Variants in GPCPD1 observed in about 807,000 individuals in gnomAD.
The protein encoded by GPCPD1 is glycerophosphocholine phosphodiesterase 1.
Under a neutral mutation model 89.2 loss-of-function variants are expected in GPCPD1, and 29 were observed. The observed-to-expected ratio is 0.33, with a 90% confidence interval of 0.24 to 0.44. The LOEUF (loss-of-function observed/expected upper bound fraction) is 0.44, where lower values mean the gene tolerates loss of function less well. GPCPD1 is among the 20% of genes least tolerant of loss of function. The pLI is 1.00. For synonymous variants in GPCPD1, 258 were observed against 266.3 expected, an observed-to-expected ratio of 0.97 and a Z score of 0.30; for missense variants, 594 against 808.9, an observed-to-expected ratio of 0.73 and a Z score of 3.22.
chr20:5,568,848 G>T (rs1986547245), intron 12 of GPCPD1, among the ~76,000 whole-genome samples: 1 of 152,130 alleles, frequency 6.6e-6, no homozygotes, highest in South Asian at 2.1e-4. Context: ...AGGAGGTGGA[G>T]GTTGAGCCAA....
At chr20:5,570,343 G>C (rs1433241720) in intron 11 of GPCPD1, 104 bp from the exon 12 acceptor site, 1 of 276,644 alleles carries the variant, frequency 3.6e-6, no homozygotes, top group East Asian at 9.8e-5. Flanking sequence ...TTACAGACCT[G>C]TACAAACTTT....
At chr20:5,581,695 C>T (rs1381260178) in intron 6 of GPCPD1, among the ~76,000 whole-genome samples, 1 of 151,738 alleles carries the variant, frequency 6.6e-6, no homozygotes, top group Admixed American at 6.6e-5. Context: ...GAGAAGCTGT[C>T]AACTGTTTTG....
chr20:5,569,382 T>C (rs1360595755), intron 12 of GPCPD1, among the ~76,000 whole-genome samples: 1 of 152,142 alleles, frequency 6.6e-6, no homozygotes, highest in Non-Finnish European at 1.5e-5. Context: ...CCCCGAGAAA[T>C]CACTTGGTTA....
chr20:5,557,399 T>A (rs1985835859), intron 19 of GPCPD1, among the ~76,000 whole-genome samples: 1 of 152,164 alleles, frequency 6.6e-6, no homozygotes, highest in South Asian at 2.1e-4. Flanking sequence ...TGATTCAGGA[T>A]ATATTTTGAA....
intron 16 of GPCPD1, among the ~76,000 whole-genome samples, chr20:5,560,452 A>C (rs1222569591): frequency 1.3e-5 from 2 of 152,244 alleles, no homozygotes; most frequent in Admixed American, 6.5e-5. Context: ...AATTAATAAA[A>C]TGTCCCTACT....
At chr20:5,580,311 C>T (rs1447726185) in intron 6 of GPCPD1, among the ~76,000 whole-genome samples, 180 bp from the exon 7 acceptor site, 2 of 151,838 alleles carry the variant, frequency 1.3e-5, no homozygotes, top group Non-Finnish European at 1.5e-5. Flanking sequence ...CTGCCTAAAC[C>T]GTTGTTCATA....
rs538963809 is a variant in GPCPD1 at position 5,606,907 on chromosome 20, G to A, written c.-28-2467C>T. On this transcript the variant is annotated intron_variant, in intron 1 of 19. Coordinates refer to ENST00000379019, the MANE Select transcript of GPCPD1 (RefSeq NM_019593.5). ...TCTCACAGAGTGCAAGACCACCAAT[G>A]TGCAGTCATGTCACATTTGGATATG... Among the ~76,000 whole-genome samples the A allele has an allele frequency of 1.5e-4, 23 of 152,292 alleles. No homozygotes were observed. The East Asian group carries it at 4.2e-3, about 28-fold the overall frequency.
intron 17 of GPCPD1, 126 bp from the exon 18 acceptor site, chr20:5,558,945 G>GT: frequency 1.5e-6 from 1 of 668,974 alleles, no homozygotes. Context: ...GCTCACACCT[G>GT]TAATCCCAAC....
chr20:5,565,112 A>G, intron 14 of GPCPD1, 34 bp from the exon 15 acceptor site: 1 of 1,044,070 alleles, frequency 9.6e-7, no homozygotes, highest in African/African-American at 1.6e-5. Context: ...TCAGTAAATA[A>G]AATGCCACTA....
intron 6 of GPCPD1, among the ~76,000 whole-genome samples, chr20:5,581,709 C>G (rs917273395): frequency 2.7e-5 from 4 of 150,026 alleles, no homozygotes. Context: ...TGTTTTGGAT[C>G]TAAGCTTTTT....
intron 12 of GPCPD1, among the ~76,000 whole-genome samples, chr20:5,569,131 CTTCT>C (rs1438999755): frequency 1.3e-5 from 2 of 148,274 alleles, no homozygotes; most frequent in African/African-American, 2.5e-5. Flanking sequence ...TCCTTTCTTC[CTTCT>C]TTCTCCTAAT....
At position 5,574,041 on chromosome 20, in the gene GPCPD1, T is replaced by C. The variant is rs571531914; in HGVS notation, c.1002-72A>G. On this transcript the variant is annotated intron_variant, in intron 10 of 19. Coordinates refer to ENST00000379019, the MANE Select transcript of GPCPD1 (RefSeq NM_019593.5). Reference sequence around the variant, plus strand: ...AAACAAATGTAATAAAGAAGCAAAGTGTACTTTCAACAATGGGAAATGGTA... The same window carrying C: ...AAACAAATGTAATAAAGAAGCAAAGCGTACTTTCAACAATGGGAAATGGTA... 17 of 873,312 alleles carry C rather than the reference T, an allele frequency of 1.9e-5. No individual in the cohort carries two copies. The African/African-American group carries it at 2.7e-4, about 14-fold the overall frequency. 54.1% of individuals were successfully genotyped at this position (873,312 alleles called of 1,614,324 possible). A position where few individuals can be genotyped will look rare whatever the true frequency, so the allele number is the denominator to read the frequency against.
rs1985913685 is a variant in GPCPD1 at position 5,558,677 on chromosome 20, A to G, written c.1668+7T>C. 1 of 1,520,938 alleles carries G rather than the reference A, an allele frequency of 6.6e-7. No individual in the cohort carries two copies. Among genetic ancestry groups the G allele is most frequent in the Non-Finnish European group, 8.9e-7 (1 of 1,118,690 alleles). 94.2% of individuals were successfully genotyped at this position (1,520,938 alleles called of 1,614,324 possible). A position where few individuals can be genotyped will look rare whatever the true frequency, so the allele number is the denominator to read the frequency against. ...ATTAAAAAGATAAAAATTCAAACAT[A>G]ACTTACCAGTAGATTTTCAAACTGT... On this transcript the variant is annotated splice_region_variant and intron_variant, in intron 18 of 19. Transcript: ENST00000379019.
rs1179447177 is a variant in GPCPD1, at chr20:5,558,725, T to A, written c.1627A>T (p.Thr543Ser). The A allele has an allele frequency of 6.2e-7, 1 of 1,600,532 alleles. No homozygotes were observed. The highest frequency in any genetic ancestry group is 1.3e-5 in the African/African-American group (1 of 74,150). Residue 543 changes from threonine (T) to serine (S), a missense_variant, in exon 18 of 20, where the codon ACC (threonine) becomes TCC (serine). Transcript: ENST00000379019. ...TGTGCAAAGCTCATTGCAATGGGGG[T>A]TGTCCGAGATCTGAGGTCCATGAGT... ...PELMDLRSRT[T>S]PIAMSFAQFE... is the part of the protein sequence containing the mutation.
chr20:5,557,368 C>G (rs1418860541), intron 19 of GPCPD1, among the ~76,000 whole-genome samples: 4 of 152,206 alleles, frequency 2.6e-5, no homozygotes, highest in African/African-American at 7.2e-5. Context: ...TGAGTGACAA[C>G]AGTTAACTTG....
At chr20:5,581,814 CTTTTTTTTTTTTTTTTTT>C (rs11479995) in intron 6 of GPCPD1, among the ~76,000 whole-genome samples, 10 of 75,032 alleles carry the variant, frequency 1.3e-4, no homozygotes, top group African/African-American at 5.3e-4. Flanking sequence ...GGGACTTTAA[CTTTTTTTTTTTTTTTTTT>C]TTTTTTTTTT....
chr20:5,570,068 TA>T (rs1986618940), intron 12 of GPCPD1, 78 bp downstream of exon 12: 3 of 651,962 alleles, frequency 4.6e-6, no homozygotes, highest in African/African-American at 3.8e-5. Flanking sequence ...AATAAGTAAT[TA>T]AAAATATAAA....
intron 7 of GPCPD1, among the ~76,000 whole-genome samples, chr20:5,579,686 C>A (rs531762990): frequency 6.6e-6 from 1 of 152,310 alleles, no homozygotes; most frequent in East Asian, 1.9e-4. Flanking sequence ...TGAGCCAACA[C>A]GCCCGACACA....
chr20:5,557,127 G>A (rs1264944041), intron 19 of GPCPD1, among the ~76,000 whole-genome samples: 1 of 152,202 alleles, frequency 6.6e-6, no homozygotes, highest in African/African-American at 2.4e-5. Flanking sequence ...GAGGGTTGAA[G>A]GTGGTGGGGT....
Sources: gnomAD v4.1 joint callset for allele counts (sites outside exome capture counted in the v4.1 genomes callset) on GRCh38, gnomAD v4.1.1 for gene constraint, MANE v1.5 for transcripts, NCBI Gene and HGNC (gene_info 2026-07-23, HGNC 2026-07-21) for gene names.